CEP83: variants seen among roughly 807,000 people sequenced by gnomAD.
CEP83 encodes centrosomal protein 83.
CEP83 carries 70 observed loss-of-function variants against 101.9 expected under a neutral mutation model. That is an observed-to-expected ratio of 0.69 (90% CI 0.57 to 0.84). The LOEUF (loss-of-function observed/expected upper bound fraction) is 0.84, where lower values mean the gene tolerates loss of function less well. CEP83 is among the 40% of genes least tolerant of loss of function. The pLI is 0.00. For synonymous variants in CEP83, 264 were observed against 267.9 expected (o/e 0.99, Z 0.14); for missense variants, 715 against 787.2 (o/e 0.91, Z 1.10).
At position 94,365,724 on chromosome 12, in the gene CEP83, C is replaced by G. The variant is rs541132525; in HGVS notation, c.1343+2070G>C. On this transcript the variant is annotated intron_variant, in intron 11 of 16. Transcript: ENST00000397809. ...GGCGGAGGCTGCAGTGAGCCAAGATCGCCCCACTGCCCTCCAGCCTGGGCA... is the reference window on the plus strand; with the variant it reads ...GGCGGAGGCTGCAGTGAGCCAAGATGGCCCCACTGCCCTCCAGCCTGGGCA... Among the ~76,000 whole-genome samples, 10 of 149,716 alleles carry G rather than the reference C, an allele frequency of 6.7e-5. No homozygotes were observed. The South Asian group carries it at 1.5e-3, about 22-fold the overall frequency.
At chr12:94,456,589 T>G (rs1017905765) in intron 1 of CEP83, among the ~76,000 whole-genome samples, 1 of 152,204 alleles carries the variant, frequency 6.6e-6, no homozygotes, top group Admixed American at 6.5e-5. Flanking sequence ...CAAGGCACCT[T>G]CTTCACAAGG....
At position 94,412,469 on chromosome 12, in the gene CEP83, C is replaced by A; in HGVS notation, c.22G>T (p.Asp8Tyr). Reference sequence around the variant, plus strand: ...AAATTATTGGGAAAAGTGTCCATATCGGTAAATGTGCTGACAACCATGTAA... The same window carrying A: ...AAATTATTGGGAAAAGTGTCCATATAGGTAAATGTGCTGACAACCATGTAA... MVVSTFTDMDTFPNNFPP... is the reference protein window; with the variant it reads MVVSTFTYMDTFPNNFPP... Residue 8 changes from aspartate to tyrosine, a missense_variant, in exon 3 of 17, where the codon GAT becomes TAT. Coordinates refer to ENST00000397809, the MANE Select transcript of CEP83 (RefSeq NM_016122.3). The A allele has an allele frequency of 6.2e-7, 1 of 1,612,276 alleles. No homozygotes were observed. Among genetic ancestry groups the A allele is most frequent in the Non-Finnish European group, 8.5e-7 (1 of 1,179,396 alleles).
At chr12:94,271,709 A>G in the CEP83 span, among the ~76,000 whole-genome samples, 1 of 152,222 alleles carries the variant, frequency 6.6e-6, no homozygotes, top group African/African-American at 2.4e-5. Flanking sequence ...ACGTCTAGCC[A>G]TCTTTCCTGG....
In CEP83 at chr12:94,412,459, G is replaced by C; in HGVS notation, c.32C>G (p.Thr11Ser). 6.2e-7 allele frequency: 1 copy of C among 1,612,934 alleles called. No homozygotes were observed. The highest frequency in any genetic ancestry group is 8.5e-7 in the Non-Finnish European group (1 of 1,179,530). ...ACCAGGAGGAAAATTATTGGGAAAA[G>C]TGTCCATATCGGTAAATGTGCTGAC... The part of the protein sequence containing the change: MVVSTFTDMD[T>S]FPNNFPPGGD... Residue 11 changes from threonine to serine, a missense_variant, in exon 3 of 17, where the codon ACT becomes AGT. Thr to Ser is a moderately conservative substitution (Grantham distance 58). Coordinates refer to ENST00000397809, the MANE Select transcript of CEP83 (RefSeq NM_016122.3).
At chr12:94,440,384 T>C (rs1257622292) in intron 1 of CEP83, among the ~76,000 whole-genome samples, 2 of 152,066 alleles carry the variant, frequency 1.3e-5, no homozygotes, top group African/African-American at 4.8e-5. Context: ...CTCTGCTGTA[T>C]ACCAACAGCC....
intron 2 of CEP83, among the ~76,000 whole-genome samples, chr12:94,420,143 G>A (rs1208949553): frequency 6.6e-6 from 1 of 152,036 alleles, no homozygotes; most frequent in East Asian, 1.9e-4. Flanking sequence ...CAAAAAGACT[G>A]ACGATAAGTC....
chr12:94,389,678 C>A (rs963869573), intron 6 of CEP83, among the ~76,000 whole-genome samples: 1 of 152,154 alleles, frequency 6.6e-6, no homozygotes, highest in African/African-American at 2.4e-5. Flanking sequence ...TCACCTCACC[C>A]GGGAAGTGCA....
chr12:94,327,218 A>G (rs932602776), intron 14 of CEP83, among the ~76,000 whole-genome samples: 3 of 152,246 alleles, frequency 2.0e-5, no homozygotes, highest in African/African-American at 7.2e-5. Context: ...TAGAACAATT[A>G]AAACAATATA....
At chr12:94,312,724 G>A in intron 15 of CEP83, 190 bp downstream of exon 15, 1 of 985,376 alleles carries the variant, frequency 1.0e-6, no homozygotes, top group Non-Finnish European at 1.2e-6. Context: ...GTATGTGACA[G>A]AGACCTTTTG....
At chr12:94,345,665 G>A (rs928555011) in intron 11 of CEP83, among the ~76,000 whole-genome samples, 2 of 152,120 alleles carry the variant, frequency 1.3e-5, no homozygotes, top group African/African-American at 4.8e-5. Flanking sequence ...TTACCCGACA[G>A]CAGGTCATAA....
At chr12:94,290,503 C>A in the CEP83 span, among the ~76,000 whole-genome samples, 14 of 152,248 alleles carry the variant, frequency 9.2e-5, no homozygotes, top group Admixed American at 9.2e-4. Context: ...CCAGCCGGCC[C>A]CTGCCCAGTG....
In CEP83 at chr12:94,379,067, T is replaced by C. The variant is rs535390583; in HGVS notation, c.550-25A>G. On this transcript the variant is annotated intron_variant, in intron 6 of 16. Transcript: ENST00000397809. ...TCTAATAATAATTTTAAAGAAAGCA[T>C]ACAAGGTTAAATTATTAAATTTTCA... 24 of 1,546,764 alleles carry C rather than the reference T, an allele frequency of 1.6e-5. 1 individual carries two copies. In the South Asian group the frequency reaches 2.7e-4, roughly 17 times the overall value.
rs144056307 is a variant in CEP83 at position 94,311,090 on chromosome 12, C to T, written c.1812-983G>A. ...GTAAAGGACTAAAGGTTGAGTTGAT[C>T]ACCAATGGCCAATGATGTAATCAAT... On this transcript the variant is annotated intron_variant, in intron 15 of 16. Coordinates refer to ENST00000397809, the MANE Select transcript of CEP83 (RefSeq NM_016122.3). Among the ~76,000 whole-genome samples, 142 of 152,264 alleles carry T rather than the reference C, an allele frequency of 9.3e-4. 1 individual carries two copies. The highest frequency in any genetic ancestry group is 5.4e-3 in the East Asian group (28 of 5,170).
At chr12:94,338,855 A>T (rs960474301) in intron 11 of CEP83, among the ~76,000 whole-genome samples, 1 of 152,240 alleles carries the variant, frequency 6.6e-6, no homozygotes, top group African/African-American at 2.4e-5. Context: ...TAACATTAAG[A>T]TGGAACTATT....
intron 11 of CEP83, among the ~76,000 whole-genome samples, chr12:94,350,822 T>A (rs1044864022): frequency 6.6e-6 from 1 of 152,140 alleles, no homozygotes; most frequent in African/African-American, 2.4e-5. Context: ...CTTGACTAGC[T>A]GTTTTTCAAA....
At chr12:94,359,478 A>G (rs146961966) in intron 11 of CEP83, among the ~76,000 whole-genome samples, 86 of 152,320 alleles carry the variant, frequency 5.6e-4, no homozygotes, top group Middle Eastern at 3.4e-3. Context: ...AATACTAAAG[A>G]TCATTAGAGA....
At chr12:94,320,918 C>T (rs985270480) in intron 14 of CEP83, among the ~76,000 whole-genome samples, 1 of 152,128 alleles carries the variant, frequency 6.6e-6, no homozygotes, top group Admixed American at 6.6e-5. Context: ...CTGTTGGTCT[C>T]TCTAGTGAGG....
At chr12:94,357,770 C>T (rs2060551791) in intron 11 of CEP83, among the ~76,000 whole-genome samples, 1 of 152,188 alleles carries the variant, frequency 6.6e-6, no homozygotes, top group Non-Finnish European at 1.5e-5. Context: ...CAAATACATA[C>T]AGGAGTCATT....
At chr12:94,422,351 T>C (rs563979604) in intron 2 of CEP83, among the ~76,000 whole-genome samples, 1 of 152,348 alleles carries the variant, frequency 6.6e-6, no homozygotes, top group South Asian at 2.1e-4. Context: ...TAAATTAGCC[T>C]TGCTGGGAGA....
Sources: allele counts gnomAD v4.1 joint callset (sites outside exome capture counted in the v4.1 genomes callset), GRCh38; gene constraint gnomAD v4.1.1; transcripts MANE v1.5; gene names NCBI Gene and HGNC (gene_info 2026-07-23, HGNC 2026-07-21).